The following PLBD2 variants were observed in gnomAD, a reference collection of about 807,000 sequenced individuals.
The protein encoded by PLBD2 is phospholipase B domain containing 2.
PLBD2 carries 51 observed loss-of-function variants against 68.3 expected under a neutral mutation model. The ratio of observed to expected loss-of-function variants is 0.75; its 90% CI spans 0.60 to 0.94. PLBD2 has a LOEUF of 0.94. Ranked by LOEUF, PLBD2 falls within the 40% of genes least tolerant of loss-of-function variation. The probability of loss-of-function intolerance (pLI) is 0.00; values close to 1 mark genes in which losing one functional copy is unlikely to be tolerated. For missense variants in PLBD2, 729 were observed against 792.2 expected (o/e 0.92, Z 0.96); for synonymous variants, 314 against 339.3 (o/e 0.93, Z 0.82).
chr12:113,365,405 TC>T (rs767225129), intron 1 of PLBD2, among the ~76,000 whole-genome samples: 4 of 151,388 alleles, frequency 2.6e-5, no homozygotes, highest in Non-Finnish European at 4.4e-5. Context: ...TACTGTAACC[TC>T]CCGGGTTCAA....
chr12:113,388,349 A>AT, intron 11 of PLBD2, 110 bp from the exon 12 acceptor site: 1 of 1,105,898 alleles, frequency 9.0e-7, no homozygotes, highest in Non-Finnish European at 1.2e-6. Context: ...AAAAAAAAAA[A>AT]GTGACAGTTC....
At chr12:113,377,940 A>G (rs541472590) in intron 5 of PLBD2, among the ~76,000 whole-genome samples, 9 of 152,254 alleles carry the variant, frequency 5.9e-5, no homozygotes, top group African/African-American at 1.9e-4. Flanking sequence ...TCACTTGAAC[A>G]CTCCACAACC....
At chr12:113,364,284 T>C (rs925420031) in intron 1 of PLBD2, among the ~76,000 whole-genome samples, 42 of 152,224 alleles carry the variant, frequency 2.8e-4, no homozygotes, top group African/African-American at 8.2e-4. Flanking sequence ...AGGAGGCCAC[T>C]GGCCGCTCAG....
rs978090489 is a variant in PLBD2, at chr12:113,389,074, C to G, written c.*448C>G. 6.5e-6 allele frequency: 1 copy of G among 153,948 alleles called. No individual in the cohort carries two copies. Among genetic ancestry groups the G allele is most frequent in the Non-Finnish European group, 1.4e-5 (1 of 69,262 alleles). 9.5% of individuals were successfully genotyped at this position (153,948 alleles called of 1,614,324 possible). ...CTGGAGCTGGTGAGCTTTGTCTGGG[C>G]GTTGTCTTCGGCTGGCATTGCTCCT... On this transcript the variant is annotated 3_prime_UTR_variant, in exon 12 of 12. Transcript: ENST00000280800.
intron 1 of PLBD2, among the ~76,000 whole-genome samples, chr12:113,367,516 G>A (rs1251385153): frequency 5.9e-5 from 9 of 152,060 alleles, no homozygotes; most frequent in Admixed American, 1.3e-4. Flanking sequence ...TTGGGAGGCC[G>A]AGGCAGGTGG....
At position 113,364,814 on chromosome 12, in the gene PLBD2, C is replaced by T. The variant is rs150895882; in HGVS notation, c.291-4302C>T. 2.2e-3 allele frequency among the ~76,000 whole-genome samples: 335 copies of T among 152,202 alleles called. 1 individual carries two copies. The highest frequency in any genetic ancestry group is 3.9e-3 in the Non-Finnish European group (268 of 68,018). ...TTAGTGAGTGCATAATGTGTGTTCT[C>T]TCCTGGCACATGCCACAGCAGTCCT... On this transcript the variant is annotated intron_variant, in intron 1 of 11. Coordinates refer to ENST00000280800, the MANE Select transcript of PLBD2 (RefSeq NM_173542.4).
At chr12:113,371,234 A>G (rs970845412) in intron 2 of PLBD2, among the ~76,000 whole-genome samples, 1 of 152,156 alleles carries the variant, frequency 6.6e-6, no homozygotes, top group Admixed American at 6.6e-5. Context: ...ACTTGGGTGC[A>G]TACCTTAGAG....
At chr12:113,367,050 G>C (rs762244669) in intron 1 of PLBD2, among the ~76,000 whole-genome samples, 1 of 151,870 alleles carries the variant, frequency 6.6e-6, no homozygotes, top group Non-Finnish European at 1.5e-5. Context: ...CAAATTTCTC[G>C]AATTCTTGGC....
intron 5 of PLBD2, among the ~76,000 whole-genome samples, chr12:113,376,597 A>AT (rs1374041603): frequency 1.3e-5 from 2 of 152,218 alleles, no homozygotes; most frequent in Admixed American, 6.5e-5. Context: ...CATGGGAAGA[A>AT]TTAGAGCTAT....
At chr12:113,378,748 C>CA (rs1957456494) in intron 5 of PLBD2, among the ~76,000 whole-genome samples, 4 of 151,010 alleles carry the variant, frequency 2.6e-5, no homozygotes, top group African/African-American at 9.8e-5. Context: ...TGCAGTGGCA[C>CA]AATCTCGGCT....
chr12:113,388,939 T>A lies in PLBD2; in HGVS notation c.*313T>A, dbSNP rs569079972. On this transcript the variant is annotated 3_prime_UTR_variant, in exon 12 of 12. Coordinates refer to ENST00000280800, the MANE Select transcript of PLBD2 (RefSeq NM_173542.4). ...CACCTCTGGGGCCCCTTCCTCGTGCTTCTCCTTCCTGAGGGTTTGGGAAGG... is the reference window on the plus strand; with the variant it reads ...CACCTCTGGGGCCCCTTCCTCGTGCATCTCCTTCCTGAGGGTTTGGGAAGG... 1 of 218,888 alleles carries A rather than the reference T, an allele frequency of 4.6e-6. No homozygotes were observed. Among genetic ancestry groups the A allele is most frequent in the South Asian group, 1.4e-4 (1 of 6,918 alleles). 13.6% of individuals were successfully genotyped at this position (218,888 alleles called of 1,614,324 possible).
chr12:113,386,349 G>A (rs1182575767), intron 9 of PLBD2, among the ~76,000 whole-genome samples: 3 of 142,826 alleles, frequency 2.1e-5, no homozygotes, highest in Non-Finnish European at 3.0e-5. Context: ...CCACCACGCC[G>A]GCTAATTTTT....
In PLBD2 at chr12:113,365,087, T is replaced by C. The variant is rs149648287; in HGVS notation, c.291-4029T>C. On this transcript the variant is annotated intron_variant, in intron 1 of 11. Transcript: ENST00000280800. ...ATGTGAATAATTAGCCCGAAGTTCATGGCTGTCATCTGCATTTGATAAGAA... is the reference window on the plus strand; with the variant it reads ...ATGTGAATAATTAGCCCGAAGTTCACGGCTGTCATCTGCATTTGATAAGAA... Among the ~76,000 whole-genome samples the C allele has an allele frequency of 4.4e-3, 669 of 152,334 alleles. 6 individuals carry two copies. The highest frequency in any genetic ancestry group is 0.015 in the African/African-American group (633 of 41,586).
intron 1 of PLBD2, among the ~76,000 whole-genome samples, chr12:113,360,274 C>T (rs1396180431): frequency 6.6e-6 from 1 of 152,106 alleles, no homozygotes; most frequent in East Asian, 1.9e-4. Context: ...TGGCTGGCCT[C>T]GGGGGCTGCC....
rs780925415 is a variant in PLBD2, at chr12:113,386,925, T to C, written c.1287-12T>C. 3 of 1,612,598 alleles carry C rather than the reference T, an allele frequency of 1.9e-6. No homozygotes were observed. The highest frequency in any genetic ancestry group is 1.7e-5 in the Admixed American group (1 of 59,788). On this transcript the variant is annotated splice_polypyrimidine_tract_variant and intron_variant, in intron 9 of 11. Transcript: ENST00000280800. The stretch of plus-strand genomic sequence containing the variant: ...AGTGGGGGTCATGGGTGACCATCCT[T>C]GTCCCCGGCAGGTCCTTCGAGACTG...
intron 10 of PLBD2, 42 bp from the exon 11 acceptor site, chr12:113,387,702 C>T: frequency 6.3e-7 from 1 of 1,596,686 alleles, no homozygotes. Flanking sequence ...CTTAGCCTCT[C>T]CTTCCTGGGA....
chr12:113,360,646 T>C (rs1478237699), intron 1 of PLBD2, among the ~76,000 whole-genome samples: 1 of 152,200 alleles, frequency 6.6e-6, no homozygotes, highest in Non-Finnish European at 1.5e-5. Context: ...AAGCACTGTT[T>C]ATTTATTTTT....
rs146581080 is a variant in PLBD2 at position 113,385,207 on chromosome 12, C to A, written c.1215-5C>A. On this transcript the variant is annotated splice_region_variant and splice_polypyrimidine_tract_variant and intron_variant, in intron 8 of 11. Transcript: ENST00000280800. ...CCTCCACCCCATCTCTCTTCTCGGT[C>A]TCAGCGGCATGGTGGTGGTGGCTGA... 8.7e-6 allele frequency: 14 copies of A among 1,614,090 alleles called. No individual in the cohort carries two copies. The South Asian group carries it at 1.5e-4, about 18-fold the overall frequency.
chr12:113,361,151 A>C (rs1463890979), intron 1 of PLBD2, among the ~76,000 whole-genome samples: 1 of 150,564 alleles, frequency 6.6e-6, no homozygotes, highest in Non-Finnish European at 1.5e-5. Flanking sequence ...TCTGTGGGGG[A>C]CTCTGTGTCT....
Sources: allele counts gnomAD v4.1 joint callset (sites outside exome capture counted in the v4.1 genomes callset), GRCh38; gene constraint gnomAD v4.1.1; transcripts MANE v1.5; gene names NCBI Gene and HGNC (gene_info 2026-07-23, HGNC 2026-07-21).